Variants in PRSS23 observed in about 807,000 individuals in gnomAD.
PRSS23 encodes serine protease 23.
In PRSS23, 25 loss-of-function variants were observed where a neutral mutation model predicts 34.7. The ratio of observed to expected loss-of-function variants is 0.72; its 90% CI spans 0.53 to 1.01. The LOEUF (loss-of-function observed/expected upper bound fraction) is 1.01, where lower values mean the gene tolerates loss of function less well. Among genes scored for constraint, PRSS23 ranks in the 50% least tolerant of loss-of-function variants. The pLI, the probability that PRSS23 is intolerant of heterozygous loss-of-function variation, is 0.00. For synonymous variants in PRSS23, 176 were observed against 186.6 expected (o/e 0.94, Z 0.46); for missense variants, 445 against 475.6 (o/e 0.94, Z 0.60).
At chr11:86,931,278 TG>T (rs1339757200) in intron 2 of PRSS23, among the ~76,000 whole-genome samples, 1 of 152,198 alleles carries the variant, frequency 6.6e-6, no homozygotes, top group Non-Finnish European at 1.5e-5. Context: ...ACAAAATATT[TG>T]TACAAAATTT....
chr11:86,906,329 C>A (rs941261702), intron 2 of PRSS23, among the ~76,000 whole-genome samples: 38 of 152,126 alleles, frequency 2.5e-4, no homozygotes, highest in Non-Finnish European at 4.4e-5. Context: ...TCGGCTGCGG[C>A]CTCTCAAAGG....
intron 1 of PRSS23, among the ~76,000 whole-genome samples, chr11:86,820,521 G>C (rs570765535): frequency 1.3e-5 from 2 of 152,050 alleles, no homozygotes; most frequent in African/African-American, 2.4e-5. Context: ...GTTGCAGAAA[G>C]GTAAATCCTT....
At chr11:86,853,901 C>T (rs1308541186) in intron 2 of PRSS23, among the ~76,000 whole-genome samples, 1 of 152,190 alleles carries the variant, frequency 6.6e-6, no homozygotes, top group Non-Finnish European at 1.5e-5. Context: ...GTTTGTTTAT[C>T]ATATCCATCC....
chr11:86,845,850 A>G (rs1948482571), intron 2 of PRSS23, among the ~76,000 whole-genome samples: 1 of 152,162 alleles, frequency 6.6e-6, no homozygotes, highest in South Asian at 2.1e-4. Context: ...TCCCAATTCC[A>G]ATTTCTTATA....
At chr11:86,890,088 T>C (rs1948831235) in intron 2 of PRSS23, among the ~76,000 whole-genome samples, 1 of 151,716 alleles carries the variant, frequency 6.6e-6, no homozygotes, top group East Asian at 1.9e-4. Context: ...GCCAACATGG[T>C]GAAACTCCAT....
intron 2 of PRSS23, among the ~76,000 whole-genome samples, chr11:86,823,836 C>A (rs553686571): frequency 6.6e-6 from 1 of 151,644 alleles, no homozygotes; most frequent in African/African-American, 2.4e-5. Context: ...GAAACCCCGT[C>A]TCTACTAAAA....
intron 2 of PRSS23, among the ~76,000 whole-genome samples, chr11:86,888,977 T>A (rs1291371433): frequency 6.6e-6 from 1 of 152,218 alleles, no homozygotes; most frequent in Non-Finnish European, 1.5e-5. Context: ...AGTGTTGATG[T>A]GATGCACAAA....
chr11:86,903,803 C>A (rs1022774681), intron 2 of PRSS23, among the ~76,000 whole-genome samples: 2 of 152,084 alleles, frequency 1.3e-5, no homozygotes, highest in Non-Finnish European at 2.9e-5. Context: ...CTTTTAAAAT[C>A]TTTTTGAACA....
chr11:86,826,581 G>A (rs1948302835), intron 2 of PRSS23, among the ~76,000 whole-genome samples: 1 of 152,226 alleles, frequency 6.6e-6, no homozygotes, highest in Non-Finnish European at 1.5e-5. Flanking sequence ...AGTTTTCAAA[G>A]GGAATGCTTC....
intron 2 of PRSS23, among the ~76,000 whole-genome samples, chr11:86,893,302 T>C (rs1198984069): frequency 1.3e-5 from 2 of 152,202 alleles, no homozygotes; most frequent in Non-Finnish European, 2.9e-5. Context: ...ACCCAGTTTG[T>C]GGTAATGTGT....
chr11:86,833,326 A>T (rs1948375729), intron 2 of PRSS23: 1 of 1,150,594 alleles, frequency 8.7e-7, no homozygotes, highest in South Asian at 1.2e-5. Context: ...GGCCAGGATA[A>T]TGAGCAGATT....
At chr11:86,915,348 G>A (rs961639098) in intron 2 of PRSS23, among the ~76,000 whole-genome samples, 3 of 151,988 alleles carry the variant, frequency 2.0e-5, no homozygotes, top group African/African-American at 7.2e-5. Context: ...AAGAGACTTA[G>A]GTGTAAAGCC....
chr11:86,844,557 A>G (rs1464151430), intron 2 of PRSS23, among the ~76,000 whole-genome samples: 2 of 152,208 alleles, frequency 1.3e-5, no homozygotes, highest in Non-Finnish European at 2.9e-5. Flanking sequence ...GTGAAAGTCT[A>G]AAATGTGTGT....
chr11:86,812,095 T>C (rs1420810101), downstream of PRSS23, among the ~76,000 whole-genome samples: 2 of 152,244 alleles, frequency 1.3e-5, no homozygotes, highest in Non-Finnish European at 2.9e-5. Context: ...GGGATTCTTT[T>C]GAGAATGCTA....
intron 2 of PRSS23, among the ~76,000 whole-genome samples, chr11:86,828,281 T>C (rs1414801521): frequency 1.3e-5 from 2 of 152,298 alleles, no homozygotes; most frequent in East Asian, 1.9e-4. Flanking sequence ...TTTTTGTTGG[T>C]TTAAAGTCTG....
At chr11:86,908,913 CA>C (rs1948960498) in intron 2 of PRSS23, 1 of 151,852 alleles carries the variant, frequency 6.6e-6, no homozygotes, top group Non-Finnish European at 1.5e-5. Flanking sequence ...TCTACCAAAC[CA>C]AAATTTGCAT....
At chr11:86,879,822 G>A (rs1727452735) in intron 2 of PRSS23, among the ~76,000 whole-genome samples, 2 of 25,462 alleles carry the variant, frequency 7.9e-5, no homozygotes, top group Non-Finnish European at 1.3e-4. Flanking sequence ...GAGGGAGGTG[G>A]GGGGGGTCAG....
chr11:86,857,638 A>G (rs1590897214), intron 2 of PRSS23: 1 of 525,258 alleles, frequency 1.9e-6, no homozygotes, highest in East Asian at 5.4e-5. Context: ...AGATGGGCAG[A>G]TGGCCACAAA....
rs116948027 is a variant in PRSS23, at chr11:86,901,307, A to G, written c.207-49909A>G. ...CTACATTATATACCAAGAACCGAAA[A>G]CAGCTCTTGTCCCAGCAGAGGGCAT... On this transcript the variant is annotated intron_variant, in intron 2 of 2. Coordinates refer to the PRSS23 transcript ENST00000533902. Among the ~76,000 whole-genome samples the G allele has an allele frequency of 2.6e-5, 4 of 152,278 alleles. No homozygotes were observed. The East Asian group carries it at 7.7e-4, about 29-fold the overall frequency.
Sources: gnomAD v4.1 joint callset for allele counts (sites outside exome capture counted in the v4.1 genomes callset) on GRCh38, gnomAD v4.1.1 for gene constraint, MANE v1.5 for transcripts, NCBI Gene and HGNC (gene_info 2026-07-23, HGNC 2026-07-21) for gene names.